The following LLGL1 variants were observed in gnomAD, a reference collection of about 807,000 sequenced individuals.
LLGL1 encodes LLGL scribble cell polarity complex component 1.
Under a neutral mutation model 110.6 loss-of-function variants are expected in LLGL1, and 58 were observed. That is an observed-to-expected ratio of 0.52 (90% CI 0.42 to 0.65). The LOEUF (loss-of-function observed/expected upper bound fraction) is 0.65. Ranked by LOEUF, LLGL1 falls within the 30% of genes least tolerant of loss-of-function variation. LLGL1 has a pLI of 0.00. For missense variants in LLGL1, 1,229 were observed against 1,462.1 expected (o/e 0.84, Z 2.60); for synonymous variants, 674 against 607.2 (o/e 1.11, Z -1.62).
intron 22 of LLGL1, among the ~76,000 whole-genome samples, chr17:18,243,687 T>G (rs567565535): frequency 6.6e-6 from 1 of 152,022 alleles, no homozygotes; most frequent in East Asian, 1.9e-4. Context: ...CCCAGCTCTT[T>G]GTCTGGTGCC....
At chr17:18,233,563 G>A (rs888242187) in intron 4 of LLGL1, among the ~76,000 whole-genome samples, 3 of 152,132 alleles carry the variant, frequency 2.0e-5, no homozygotes, top group Non-Finnish European at 4.4e-5. Flanking sequence ...GCAAGACCTA[G>A]GGACCCTATT....
chr17:18,237,451 G>T, intron 13 of LLGL1, 30 bp from the exon 14 acceptor site: 1 of 1,539,628 alleles, frequency 6.5e-7, no homozygotes, highest in East Asian at 2.3e-5. Flanking sequence ...CCCCTGCGCT[G>T]ATGCTCCCCC....
intron 4 of LLGL1, among the ~76,000 whole-genome samples, chr17:18,233,239 G>A (rs1053207180): frequency 6.6e-6 from 1 of 152,160 alleles, no homozygotes; most frequent in African/African-American, 2.4e-5. Context: ...AGGGCAAGGA[G>A]GGTCCCATGG....
Position 18,235,098 on chromosome 17 carries a change from A to G in LLGL1, c.1070A>G (p.Asp357Gly). ...TCCCTCCGTCCCACAGAATTTGATG[A>G]CCCCCAGGCCCTGGCTGTGCTGCTG... is the stretch of plus-strand genomic sequence containing the variant. ...HSTRPEDEFD[D>G]PQALAVLLEE... The change falls in exon 10 of 23, where the codon GAC becomes GGC. Residue 357 changes from aspartate to glycine, a missense_variant. Transcript: ENST00000316843. 1 of 1,613,082 alleles carries G rather than the reference A, an allele frequency of 6.2e-7. No individual in the cohort carries two copies. The highest frequency in any genetic ancestry group is 8.5e-7 in the Non-Finnish European group (1 of 1,179,844).
At chr17:18,226,804 A>G (rs527970649) in intron 1 of LLGL1, among the ~76,000 whole-genome samples, 1 of 152,058 alleles carries the variant, frequency 6.6e-6, no homozygotes, top group African/African-American at 2.4e-5. Flanking sequence ...GCCTCAGCCC[A>G]CTCCTGGCTC....
At chr17:18,228,091 A>G (rs2047490190) in intron 1 of LLGL1, among the ~76,000 whole-genome samples, 1 of 152,234 alleles carries the variant, frequency 6.6e-6, no homozygotes, top group South Asian at 2.1e-4. Context: ...GTAGTTACCA[A>G]AAAGGACAAA....
In LLGL1 at chr17:18,234,697, A is replaced by G. The variant is rs766923153; in HGVS notation, c.899A>G (p.Glu300Gly). 1 of 1,614,074 alleles carries G rather than the reference A, an allele frequency of 6.2e-7. No homozygotes were observed. Among genetic ancestry groups the G allele is most frequent in the South Asian group, 1.1e-5 (1 of 91,078 alleles). Residue 300 changes from glutamate (E) to glycine (G), a missense_variant, in exon 8 of 23, where the codon GAA (glutamate) becomes GGA (glycine). Physicochemically the swap from Glu to Gly is moderately conservative, Grantham distance 98. Coordinates refer to ENST00000316843, the MANE Select transcript of LLGL1 (RefSeq NM_004140.4). Reference protein sequence around the residue: ...AINKILWRNCESGGHFIIFSG... With the variant: ...AINKILWRNCGSGGHFIIFSG... ...AACAAGATTCTGTGGCGGAACTGTG[A>G]ATCTGGGTAGGTCGAGGGAGTGGGT...
intron 1 of LLGL1, among the ~76,000 whole-genome samples, chr17:18,228,603 G>T (rs2047503632): frequency 6.6e-6 from 1 of 152,168 alleles, no homozygotes; most frequent in South Asian, 2.1e-4. Flanking sequence ...GGAAGCAGAT[G>T]CTGGACAGTG....
In LLGL1 at chr17:18,228,132, G is replaced by T. The variant is rs574791227; in HGVS notation, c.82-1809G>T. Among the ~76,000 whole-genome samples, 15 of 152,356 alleles carry T rather than the reference G, an allele frequency of 9.8e-5. 1 individual carries two copies. In the South Asian group the frequency reaches 2.9e-3, roughly 29 times the overall value. ...GTTAACTCAGGTGGCTGATATAGTT[G>T]TGCAGGAGACAGTGAAAAGCCAAAA... On this transcript the variant is annotated intron_variant, in intron 1 of 22. Transcript: ENST00000316843.
rs751648322 is a variant in LLGL1, at chr17:18,240,803, G to A, written c.2432G>A (p.Arg811Gln). 3.2e-5 allele frequency: 50 copies of A among 1,584,124 alleles called. No individual in the cohort carries two copies. Among genetic ancestry groups the A allele is most frequent in the African/African-American group, 6.7e-5 (5 of 74,150 alleles). The stretch of plus-strand genomic sequence containing the variant: ...CTGCCCGAGCCCTACGAGGCCTCAC[G>A]GGACCTGGCGCAGGCACCTGACATG... The part of the protein sequence containing the change: ...RPLPEPYEAS[R>Q]DLAQAPDMQG... Residue 811 changes from arginine (R) to glutamine (Q), a missense_variant, in exon 17 of 23, where the codon CGG (arginine) becomes CAG (glutamine). Coordinates refer to ENST00000316843, the MANE Select transcript of LLGL1 (RefSeq NM_004140.4). This position sits in a 1 kb window ranked among gnomAD's most constrained non-coding sequence, Gnocchi z 5.3.
rs748854698 is a variant in LLGL1, at chr17:18,233,778, T to C, written c.393T>C (p.Ser131=). ...ACTCCCTTCCCCTTGTTCCCTGCAGTGCTCCGCTCAGCCTTACCCGAGTCA... is the reference window on the plus strand; with the variant it reads ...ACTCCCTTCCCCTTGTTCCCTGCAGCGCTCCGCTCAGCCTTACCCGAGTCA... ...LPSRPGFDGA[S]APLSLTRVTV... Residue 131 remains serine (S), a splice_region_variant and synonymous_variant, in exon 5 of 23, where the codon AGT becomes AGC. Coordinates refer to ENST00000316843, the MANE Select transcript of LLGL1 (RefSeq NM_004140.4). The C allele has an allele frequency of 1.2e-6, 2 of 1,612,370 alleles. No homozygotes were observed. The highest frequency in any genetic ancestry group is 1.1e-5 in the South Asian group (1 of 90,942).
rs148767669 is a variant in LLGL1 at position 18,233,825 on chromosome 17, C to T, written c.440C>T (p.Ala147Val). 6.2e-7 allele frequency: 1 copy of T among 1,613,850 alleles called. No individual in the cohort carries two copies. The highest frequency in any genetic ancestry group is 8.5e-7 in the Non-Finnish European group (1 of 1,179,916). Residue 147 changes from alanine to valine, a missense_variant, in exon 5 of 23, where the codon GCC (alanine) becomes GTC (valine). Transcript: ENST00000316843. ...GTCACAGTGGTCCTGCTGGTGGCTG[C>T]CAGCGACATAGCAGCCCTGGGCACT... Reference protein sequence around the residue: ...TRVTVVLLVAASDIAALGTEG... With the variant: ...TRVTVVLLVAVSDIAALGTEG...
At chr17:18,242,123 A>C in intron 19 of LLGL1, 43 bp from the exon 20 acceptor site, 1 of 1,573,850 alleles carries the variant, frequency 6.4e-7, no homozygotes, top group Non-Finnish European at 8.7e-7. Flanking sequence ...TGCCAGCCTC[A>C]AGTCATCCAC....
chr17:18,233,643 G>C, intron 4 of LLGL1, 135 bp from the exon 5 acceptor site: 1 of 833,182 alleles, frequency 1.2e-6, no homozygotes, highest in Non-Finnish European at 1.9e-6. Flanking sequence ...GTCTTCCTGG[G>C]GTGGCTCTGT....
At chr17:18,233,193 G>A (rs2047607033) in intron 4 of LLGL1, among the ~76,000 whole-genome samples, 1 of 152,190 alleles carries the variant, frequency 6.6e-6, no homozygotes, top group African/African-American at 2.4e-5. Context: ...TCAGTTGTGG[G>A]TGGGAGACAG....
At chr17:18,235,875 A>C (rs1597869838) in intron 11 of LLGL1, 1 of 307,864 alleles carries the variant, frequency 3.2e-6, no homozygotes, top group Non-Finnish European at 6.1e-6. Flanking sequence ...GCGGGCGCTG[A>C]CGTGCCCAGT....
Position 18,236,771 on chromosome 17 carries a change from C to A in LLGL1, c.1506+11C>A. ...CCACCCTTCCGCAAGGTGGGCCCCT[C>A]CCCTGGCCCTGATGAGCTGGTCCTG... On this transcript the variant is annotated intron_variant, in intron 12 of 22. Transcript: ENST00000316843. The A allele has an allele frequency of 1.2e-6, 2 of 1,612,716 alleles. No homozygotes were observed. The highest frequency in any genetic ancestry group is 1.7e-6 in the Non-Finnish European group (2 of 1,179,842).
Position 18,236,625 on chromosome 17 carries a change from G to C in LLGL1, c.1371G>C (p.Val457=). Residue 457 remains valine, a synonymous_variant, in exon 12 of 23, where the codon GTG becomes GTC. Transcript: ENST00000316843. The part of the protein sequence containing the change: ...LLLTGHEDGT[V]RFWDASGVAL... ...CCTGCAGCCATGAGGACGGCACCGT[G>C]AGGTTCTGGGATGCCTCGGGTGTGG... The C allele has an allele frequency of 6.2e-7, 1 of 1,612,416 alleles. No individual in the cohort carries two copies. The highest frequency in any genetic ancestry group is 1.3e-5 in the African/African-American group (1 of 75,042).
At chr17:18,233,107 C>T (rs1046899835) in intron 4 of LLGL1, among the ~76,000 whole-genome samples, 1 of 152,230 alleles carries the variant, frequency 6.6e-6, no homozygotes, top group African/African-American at 2.4e-5. Flanking sequence ...ACTACACTTA[C>T]TGCAATGATG....
Sources: allele counts gnomAD v4.1 joint callset (sites outside exome capture counted in the v4.1 genomes callset), GRCh38; gene constraint gnomAD v4.1.1; non-coding constraint Gnocchi (gnomAD v3.1); transcripts MANE v1.5; gene names NCBI Gene and HGNC (gene_info 2026-07-23, HGNC 2026-07-21).